The following LAMA3 variants were observed in gnomAD, a reference collection of about 807,000 sequenced individuals.
LAMA3 encodes laminin subunit alpha-3.
Under a neutral mutation model 402.0 loss-of-function variants are expected in LAMA3, and 281 were observed. The observed-to-expected ratio is 0.70, with a 90% CI of 0.63 to 0.77. LAMA3 has a LOEUF of 0.77. LAMA3 is among the 30% of genes least tolerant of loss of function. LAMA3 has a pLI of 0.00. For missense variants in LAMA3, 3,840 were observed against 4,215.5 expected, an observed-to-expected ratio of 0.91 and a Z score of 2.47; for synonymous variants, 1,431 against 1,558.4, an observed-to-expected ratio of 0.92 and a Z score of 1.93.
chr18:23,929,256 A>G lies in LAMA3; in HGVS notation c.8436+491A>G, dbSNP rs1048448300. On this transcript the variant is annotated intron_variant, in intron 64 of 74. Coordinates refer to ENST00000313654, the MANE Select transcript of LAMA3 (RefSeq NM_198129.4). ...AAATAAGATCCTTTTCTCTTTCCTC[A>G]TGTACAACAGAGCCACATAAATTCT... Among the ~76,000 whole-genome samples, 9 of 152,332 alleles carry G rather than the reference A, an allele frequency of 5.9e-5. No homozygotes were observed. The East Asian group carries it at 1.7e-3, about 29-fold the overall frequency.
At chr18:23,690,124 G>GC (rs1440815047) in intron 1 of LAMA3, 147 bp downstream of exon 1, 1 of 648,824 alleles carries the variant, frequency 1.5e-6, no homozygotes, top group African/African-American at 1.9e-5. Flanking sequence ...GCGCGCGAGG[G>GC]CCCACGACCC....
intron 35 of LAMA3, among the ~76,000 whole-genome samples, chr18:23,863,209 C>T (rs1019591756): frequency 1.3e-5 from 2 of 152,132 alleles, no homozygotes; most frequent in South Asian, 2.1e-4. Flanking sequence ...TTTGGGAGGC[C>T]GAGACAAGCG....
At chr18:23,917,031 C>G (rs2145271345) in intron 60 of LAMA3, among the ~76,000 whole-genome samples, 1 of 152,164 alleles carries the variant, frequency 6.6e-6, no homozygotes, top group Non-Finnish European at 1.5e-5. Flanking sequence ...TACTTCCACC[C>G]TCAAGTAGGC....
chr18:23,953,325 G>GTTTTTTTTTTTGT (rs1568386187), intron 74 of LAMA3, among the ~76,000 whole-genome samples: 2 of 133,984 alleles, frequency 1.5e-5, no homozygotes, highest in African/African-American at 2.8e-5. Context: ...CTGTAATTTT[G>GTTTTTTTTTTTGT]TTTTTTTTTT....
rs1368382921 is a variant in LAMA3 at position 23,773,493 on chromosome 18, C to T, written c.1183-4C>T. ...TCCTTTAAGTTTCTTTTGTTTCTTT[C>T]TAGCACAACACAGCTGGAGTAAACT... On this transcript the variant is annotated splice_region_variant and splice_polypyrimidine_tract_variant and intron_variant, in intron 8 of 74. Coordinates refer to ENST00000313654, the MANE Select transcript of LAMA3 (RefSeq NM_198129.4). 3 of 1,581,264 alleles carry T rather than the reference C, an allele frequency of 1.9e-6. No homozygotes were observed. The highest frequency in any genetic ancestry group is 2.6e-6 in the Non-Finnish European group (3 of 1,158,540).
intron 20 of LAMA3, among the ~76,000 whole-genome samples, chr18:23,824,176 A>G (rs1213545142): frequency 6.6e-6 from 1 of 152,274 alleles, no homozygotes; most frequent in Non-Finnish European, 1.5e-5. Flanking sequence ...TTATTTAATA[A>G]GTTAAACAAT....
intron 74 of LAMA3, 69 bp from the exon 75 acceptor site, chr18:23,954,434 T>G: frequency 3.0e-6 from 4 of 1,338,454 alleles, no homozygotes; most frequent in Non-Finnish European, 4.3e-6. Flanking sequence ...TACTATCTTT[T>G]AAAATCCAGG....
chr18:23,716,587 A>T (rs1336769698), intron 2 of LAMA3, among the ~76,000 whole-genome samples: 1 of 152,012 alleles, frequency 6.6e-6, no homozygotes, highest in African/African-American at 2.4e-5. Context: ...TTTTAAACCT[A>T]CTTTAAAAGC....
In LAMA3 at chr18:23,946,200, C is replaced by T. The variant is rs748828768; in HGVS notation, c.9267C>T (p.Ala3089=). The T allele has an allele frequency of 5.6e-6, 9 of 1,613,828 alleles. No individual in the cohort carries two copies. Among genetic ancestry groups the T allele is most frequent in the Non-Finnish European group, 5.1e-6 (6 of 1,179,976 alleles). Residue 3089 remains alanine, a synonymous_variant, in exon 70 of 75, where the codon GCC becomes GCT. Coordinates refer to ENST00000313654, the MANE Select transcript of LAMA3 (RefSeq NM_198129.4). The part of the protein sequence containing the change: ...KGRLVVDGLR[A]REGSLPGNST... ...GCTTGGTTGTGGATGGACTGAGGGCCCGGGAGGGAAGTTTGCCTGGAAACT... is the reference window on the plus strand; with the variant it reads ...GCTTGGTTGTGGATGGACTGAGGGCTCGGGAGGGAAGTTTGCCTGGAAACT...
chr18:23,800,830 C>G (rs2062852877), intron 12 of LAMA3, among the ~76,000 whole-genome samples: 5 of 152,130 alleles, frequency 3.3e-5, no homozygotes, highest in Non-Finnish European at 7.3e-5. Flanking sequence ...GTCCTTCAGG[C>G]TCATCCGTGT....
chr18:23,881,828 A>G (rs572586649), intron 39 of LAMA3, 108 bp from the exon 40 acceptor site: 96 of 743,010 alleles, frequency 1.3e-4, no homozygotes, highest in Non-Finnish European at 2.1e-4. Flanking sequence ...ATATCACTGC[A>G]AAGTCAGAGG....
chr18:23,760,145 A>G (rs1250612797), intron 7 of LAMA3, among the ~76,000 whole-genome samples: 1 of 152,204 alleles, frequency 6.6e-6, no homozygotes, highest in Non-Finnish European at 1.5e-5. Flanking sequence ...ACTCCAACAC[A>G]TACAAAAAAA....
intron 40 of LAMA3, 107 bp from the exon 41 acceptor site, chr18:23,884,666 T>C: frequency 1.9e-6 from 2 of 1,034,424 alleles, no homozygotes; most frequent in Non-Finnish European, 1.5e-6. Flanking sequence ...AACCAGACCC[T>C]GGGTTTCAGT....
intron 6 of LAMA3, among the ~76,000 whole-genome samples, chr18:23,757,069 C>G (rs1357329399): frequency 2.0e-5 from 3 of 151,898 alleles, no homozygotes; most frequent in Non-Finnish European, 4.4e-5. Flanking sequence ...TCTGTGCCCT[C>G]CTCCAACAGG....
chr18:23,796,387 T>C (rs1279604297), intron 12 of LAMA3, among the ~76,000 whole-genome samples: 1 of 152,062 alleles, frequency 6.6e-6, no homozygotes, highest in South Asian at 2.1e-4. Flanking sequence ...CTGAACAGCA[T>C]GAATGGAGCA....
At chr18:23,845,210 C>T in intron 30 of LAMA3, 86 bp downstream of exon 30, 3 of 799,926 alleles carry the variant, frequency 3.8e-6, no homozygotes, top group Non-Finnish European at 4.4e-6. Flanking sequence ...GGGGCTGGCC[C>T]ATGGATCCGT....
At chr18:23,901,921 T>C (rs888583528) in intron 48 of LAMA3, among the ~76,000 whole-genome samples, 2 of 152,228 alleles carry the variant, frequency 1.3e-5, no homozygotes, top group African/African-American at 4.8e-5. Context: ...CTCGAACTCC[T>C]GACCTCAGGT....
chr18:23,876,294 G>T lies in LAMA3; in HGVS notation c.4999G>T (p.Gly1667Cys). 1 of 1,604,808 alleles carries T rather than the reference G, an allele frequency of 6.2e-7. No homozygotes were observed. The change falls in exon 39 of 75, where the codon GGT becomes TGT. Residue 1667 changes from glycine to cysteine, a missense_variant and splice_region_variant. By Grantham distance (159) the Gly-to-Cys change is radical (BLOSUM62 -3). Coordinates refer to ENST00000313654, the MANE Select transcript of LAMA3 (RefSeq NM_198129.4). ...ATTAAACACTTTGTTTGAAAAATAG[G>T]GTTGTAGCCCTGGATACTATCGGGA... is the stretch of plus-strand genomic sequence containing the variant. Reference protein sequence around the residue: ...PPAYAGDSCQGCSPGYYRDHK... With the variant: ...PPAYAGDSCQCCSPGYYRDHK...
chr18:23,928,688 C>G lies in LAMA3; in HGVS notation c.8359C>G (p.Pro2787Ala). Residue 2787 changes from proline to alanine, a missense_variant, in exon 64 of 75, where the codon CCT becomes GCT. Physicochemically the swap from Pro to Ala is conservative, Grantham distance 27 (BLOSUM62 -1). This residue lies in a region of LAMA3 where 840 missense variants were observed against 981.9 expected (regional missense o/e 0.86). Coordinates refer to ENST00000313654, the MANE Select transcript of LAMA3 (RefSeq NM_198129.4). ...QLSFTDLGLP[P>A]TDHLQASFGF... ...GAGTTTCACTGATTTGGGCTTACCA[C>G]CTACTGACCACCTCCAGGCCTCATT... 1 of 1,613,622 alleles carries G rather than the reference C, an allele frequency of 6.2e-7. No homozygotes were observed. The highest frequency in any genetic ancestry group is 1.1e-5 in the South Asian group (1 of 91,072).
Sources: allele counts gnomAD v4.1 joint callset (sites outside exome capture counted in the v4.1 genomes callset), GRCh38; gene constraint gnomAD v4.1.1; regional missense constraint gnomAD v4.1.1; transcripts MANE v1.5; gene names NCBI Gene and HGNC (gene_info 2026-07-23, HGNC 2026-07-21).